The following CCDC171 variants were observed in gnomAD, a reference collection of about 807,000 sequenced individuals.
CCDC171 encodes the protein coiled-coil domain containing 171.
A neutral mutation model predicts 168.2 loss-of-function variants in CCDC171; 177 were observed. That is an observed-to-expected ratio of 1.05 (90% CI 0.93 to 1.19). The LOEUF (loss-of-function observed/expected upper bound fraction) is 1.19. Ranked by LOEUF, CCDC171 falls within the 50% of genes most tolerant of loss-of-function variation. The pLI, the probability that CCDC171 is intolerant of heterozygous loss-of-function variation, is 0.00. For missense variants in CCDC171, 1,991 were observed against 1,539.0 expected (o/e 1.29, Z -4.91); for synonymous variants, 687 against 540.8 (o/e 1.27, Z -3.75).
intron 3 of CCDC171, among the ~76,000 whole-genome samples, chr9:15,983,427 T>C (rs1831867894): frequency 6.6e-6 from 1 of 152,140 alleles, no homozygotes; most frequent in Non-Finnish European, 1.5e-5. Context: ...TCTTAGGTAA[T>C]ATGCAGTATT....
chr9:15,718,113 G>A (rs2134137011), intron 11 of CCDC171, among the ~76,000 whole-genome samples: 1 of 152,234 alleles, frequency 6.6e-6, no homozygotes, highest in Non-Finnish European at 1.5e-5. Context: ...CTGCCCTGAA[G>A]GATGATTCCC....
At chr9:15,824,864 T>A (rs1332158744) in intron 21 of CCDC171, among the ~76,000 whole-genome samples, 2 of 152,108 alleles carry the variant, frequency 1.3e-5, no homozygotes, top group African/African-American at 4.8e-5. Flanking sequence ...ATGGTACTAT[T>A]ATGAAGGGGT....
chr9:16,046,897 A>G (rs1833671066), intron 1 of CCDC171, among the ~76,000 whole-genome samples: 1 of 151,336 alleles, frequency 6.6e-6, no homozygotes. Flanking sequence ...ACAGTAAACC[A>G]CTCCCTTCTG....
At chr9:15,713,407 T>A (rs150310046) in intron 11 of CCDC171, among the ~76,000 whole-genome samples, 1 of 152,012 alleles carries the variant, frequency 6.6e-6, no homozygotes, top group East Asian at 1.9e-4. Context: ...GTAACAGGAA[T>A]AGGGCCCATG....
chr9:15,814,047 C>A (rs986883129), intron 21 of CCDC171, among the ~76,000 whole-genome samples: 1 of 152,170 alleles, frequency 6.6e-6, no homozygotes, highest in Non-Finnish European at 1.5e-5. Context: ...TGTGTGGTTC[C>A]TTTGACCCCT....
intron 2 of CCDC171, among the ~76,000 whole-genome samples, chr9:15,571,345 T>G (rs1404504765): frequency 6.6e-6 from 1 of 152,212 alleles, no homozygotes; most frequent in East Asian, 1.9e-4. Flanking sequence ...TTATCCAGCT[T>G]GTGATATGAT....
At chr9:15,599,169 G>T (rs541290886) in intron 6 of CCDC171, among the ~76,000 whole-genome samples, 1 of 152,256 alleles carries the variant, frequency 6.6e-6, no homozygotes, top group East Asian at 1.9e-4. Context: ...ACGTTGTTAT[G>T]TGTGAATTTG....
At chr9:16,076,338 G>T in the CCDC171 span, among the ~76,000 whole-genome samples, 1 of 152,152 alleles carries the variant, frequency 6.6e-6, no homozygotes, top group Non-Finnish European at 1.5e-5. Flanking sequence ...GCGCCGGGTT[G>T]GTTCCACCAT....
In CCDC171 at chr9:15,588,829, T is replaced by G. The variant is rs575719351; in HGVS notation, c.353-2537T>G. On this transcript the variant is annotated intron_variant, in intron 4 of 25. Coordinates refer to ENST00000380701, the MANE Select transcript of CCDC171 (RefSeq NM_173550.4). Reference sequence around the variant, plus strand: ...TTCACGTCATTCTTCTGCCTCAGCCTCCTGAGTAGCTGGGACTACAGGTGC... The same window carrying G: ...TTCACGTCATTCTTCTGCCTCAGCCGCCTGAGTAGCTGGGACTACAGGTGC... 1.6e-3 allele frequency among the ~76,000 whole-genome samples: 248 copies of G among 150,978 alleles called. 1 individual carries two copies. The highest frequency in any genetic ancestry group is 5.7e-3 in the African/African-American group (236 of 41,076).
rs2039416158 is a variant in CCDC171 at position 15,562,804 on chromosome 9, A to G, written c.-111-1174A>G. ...GAAGGGTCCATTCCTTCTGGGTTCT[A>G]ACTCTTACTTTCATTCTGAAGGAAG... On this transcript the variant is annotated intron_variant, in intron 1 of 25. Transcript: ENST00000380701. Among the ~76,000 whole-genome samples, 3 of 152,080 alleles carry G rather than the reference A, an allele frequency of 2.0e-5. No homozygotes were observed. In the South Asian group the frequency reaches 6.2e-4, roughly 32 times the overall value.
chr9:15,867,597 C>T (rs995328999), intron 23 of CCDC171, among the ~76,000 whole-genome samples: 5 of 152,008 alleles, frequency 3.3e-5, no homozygotes, highest in Admixed American at 6.6e-5. Context: ...TGTCATTATT[C>T]ATATTGTTCG....
chr9:15,799,135 C>CATATATATATATATATATATATATAT (rs57651824), intron 21 of CCDC171, among the ~76,000 whole-genome samples: 3 of 109,026 alleles, frequency 2.8e-5, no homozygotes, highest in Admixed American at 1.1e-4. Flanking sequence ...TCATCATTGC[C>CATATATATATATATATATATATATAT]ATATATATAT....
At chr9:15,736,885 C>T (rs942714295) in intron 16 of CCDC171, among the ~76,000 whole-genome samples, 26 of 152,020 alleles carry the variant, frequency 1.7e-4, no homozygotes, top group African/African-American at 3.9e-4. Flanking sequence ...GCCATATTTT[C>T]GCAAGCCATC....
intron 3 of CCDC171, 90 bp downstream of exon 3, chr9:15,571,849 A>G (rs1218258418): frequency 2.6e-6 from 3 of 1,161,350 alleles, no homozygotes; most frequent in Non-Finnish European, 3.6e-6. Flanking sequence ...TTTAACCTTT[A>G]TAACTATACC....
chr9:15,681,433 C>T (rs1274251939), intron 10 of CCDC171, among the ~76,000 whole-genome samples: 2 of 151,804 alleles, frequency 1.3e-5, no homozygotes, highest in African/African-American at 4.8e-5. Flanking sequence ...TTCCATCTTC[C>T]TCTTCTTTCT....
intron 2 of CCDC171, among the ~76,000 whole-genome samples, chr9:15,565,530 G>T (rs1208295908): frequency 6.6e-6 from 1 of 151,944 alleles, no homozygotes; most frequent in African/African-American, 2.4e-5. Flanking sequence ...TAGAGAATCT[G>T]GATACAGTTA....
At chr9:15,810,757 G>A (rs531142243) in intron 21 of CCDC171, among the ~76,000 whole-genome samples, 6 of 152,314 alleles carry the variant, frequency 3.9e-5, no homozygotes, top group South Asian at 2.1e-4. Flanking sequence ...AGTGCTGCGC[G>A]CAGCCCTGGT....
chr9:15,751,438 A>G (rs2055734010), intron 18 of CCDC171, among the ~76,000 whole-genome samples: 1 of 152,218 alleles, frequency 6.6e-6, no homozygotes, highest in Non-Finnish European at 1.5e-5. Flanking sequence ...TAAATTTCAT[A>G]CGGAACCAAG....
At chr9:16,068,403 A>G in the CCDC171 span, among the ~76,000 whole-genome samples, 4 of 152,280 alleles carry the variant, frequency 2.6e-5, no homozygotes, top group Non-Finnish European at 4.4e-5. Flanking sequence ...TACAGATTCA[A>G]TGCCATCCCC....
Sources: gnomAD v4.1 joint callset for allele counts (sites outside exome capture counted in the v4.1 genomes callset) on GRCh38, gnomAD v4.1.1 for gene constraint, MANE v1.5 for transcripts, NCBI Gene and HGNC (gene_info 2026-07-23, HGNC 2026-07-21) for gene names.